Variants in KYAT3 observed in about 807,000 individuals in gnomAD.
KYAT3 encodes the protein kynurenine aminotransferase 3.
Under a neutral mutation model 59.0 loss-of-function variants are expected in KYAT3, and 50 were observed. That is an observed-to-expected ratio of 0.85 (90% confidence interval 0.68 to 1.07). The LOEUF (loss-of-function observed/expected upper bound fraction) is 1.07, where lower values mean the gene tolerates loss of function less well. KYAT3 is among the 50% of genes least tolerant of loss of function. KYAT3 has a pLI of 0.00. For missense variants in KYAT3, 497 were observed against 533.3 expected (o/e 0.93, Z 0.67); for synonymous variants, 148 against 177.0 (o/e 0.84, Z 1.30).
chr1:88,989,418 C>A (rs1258819334), intron 1 of KYAT3, among the ~76,000 whole-genome samples: 2 of 152,114 alleles, frequency 1.3e-5, no homozygotes, highest in African/African-American at 2.4e-5. Flanking sequence ...TCTTGCTGGG[C>A]CTCAGTTTCT....
At chr1:88,921,348 T>C in the KYAT3 span, among the ~76,000 whole-genome samples, 2 of 152,356 alleles carry the variant, frequency 1.3e-5, no homozygotes. Flanking sequence ...TTTTGACTAG[T>C]TGCAAAGGAA....
At chr1:88,967,352 A>G (rs1222022696) in intron 4 of KYAT3, among the ~76,000 whole-genome samples, 1 of 152,028 alleles carries the variant, frequency 6.6e-6, no homozygotes, top group Non-Finnish European at 1.5e-5. Flanking sequence ...AAAGTTTTTC[A>G]TCCTGCTCCA....
At chr1:88,984,917 T>C (rs1677357147) in intron 2 of KYAT3, among the ~76,000 whole-genome samples, 1 of 152,270 alleles carries the variant, frequency 6.6e-6, no homozygotes, top group African/African-American at 2.4e-5. Context: ...TGACTTTCCA[T>C]ATGTACTGGT....
At position 88,940,996 on chromosome 1, in the gene KYAT3, G is replaced by A. The variant is rs141403113; in HGVS notation, c.1302+2009C>T. Among the ~76,000 whole-genome samples, 110 of 152,258 alleles carry A rather than the reference G, an allele frequency of 7.2e-4. 1 individual carries two copies. Among genetic ancestry groups the A allele is most frequent in the African/African-American group, 2.5e-3 (103 of 41,540 alleles). On this transcript the variant is annotated intron_variant, in intron 13 of 13. Coordinates refer to ENST00000260508, the MANE Select transcript of KYAT3 (RefSeq NM_001008661.3). ...TTTAGCAGCCTTTCCTTAAACACTG[G>A]GGAATTTGTTTTCTATTCTCTTAGT...
intron 2 of KYAT3, among the ~76,000 whole-genome samples, chr1:88,976,036 GAA>G (rs67331903): frequency 0.29 from 40,529 of 141,820 alleles, 6,682 homozygotes; most frequent in Admixed American, 0.38. Flanking sequence ...TCCATCTCAA[GAA>G]AAAAAAAAGA....
At chr1:88,939,816 A>G (rs1335939874) in intron 13 of KYAT3, among the ~76,000 whole-genome samples, 3 of 151,792 alleles carry the variant, frequency 2.0e-5, no homozygotes, top group Non-Finnish European at 2.9e-5. Flanking sequence ...TTTCTTTTCA[A>G]TTTCCTACCT....
the KYAT3 span, among the ~76,000 whole-genome samples, chr1:88,925,754 G>A: frequency 1.3e-5 from 2 of 151,980 alleles, no homozygotes. Flanking sequence ...AGGAGATAGA[G>A]AGAGAGAGAT....
the KYAT3 span, among the ~76,000 whole-genome samples, chr1:88,922,442 G>T: frequency 6.6e-6 from 1 of 152,180 alleles, no homozygotes; most frequent in Non-Finnish European, 1.5e-5. Context: ...GACCTGTTAG[G>T]AACTGGGCTG....
chr1:88,942,028 CTCTT>C (rs1675252453), intron 13 of KYAT3, among the ~76,000 whole-genome samples: 4 of 152,160 alleles, frequency 2.6e-5, no homozygotes, highest in Admixed American at 1.3e-4. Flanking sequence ...CATATTCTCT[CTCTT>C]TTTTTTCTTG....
intron 2 of KYAT3, chr1:88,983,999 C>CT: frequency 1.8e-6 from 1 of 552,702 alleles, no homozygotes; most frequent in Admixed American, 3.4e-5. Context: ...GTATGGCTAT[C>CT]CATTCAAAAA....
chr1:88,974,530 G>C (rs1676692981), intron 2 of KYAT3, among the ~76,000 whole-genome samples: 1 of 142,228 alleles, frequency 7.0e-6, no homozygotes, highest in African/African-American at 2.7e-5. Context: ...CCGTAGTGCA[G>C]TGGCATGATC....
chr1:88,966,124 T>C (rs1404114711), intron 4 of KYAT3, among the ~76,000 whole-genome samples: 1 of 152,178 alleles, frequency 6.6e-6, no homozygotes, highest in African/African-American at 2.4e-5. Flanking sequence ...CTGGTGATAG[T>C]GCAACACCAC....
At chr1:88,953,821 C>G (rs1426692624) in intron 9 of KYAT3, among the ~76,000 whole-genome samples, 1 of 151,884 alleles carries the variant, frequency 6.6e-6, no homozygotes, top group Non-Finnish European at 1.5e-5. Flanking sequence ...GAAAGAGGGC[C>G]TAAGGGACTT....
At chr1:88,982,903 A>T in intron 2 of KYAT3, 1 of 1,614,000 alleles carries the variant, frequency 6.2e-7, no homozygotes, top group African/African-American at 1.3e-5. Flanking sequence ...CATCATAGCG[A>T]CTGCTTCCAC....
At chr1:88,948,297 A>G (rs1381430480) in intron 11 of KYAT3, among the ~76,000 whole-genome samples, 1 of 152,208 alleles carries the variant, frequency 6.6e-6, no homozygotes, top group Admixed American at 6.5e-5. Flanking sequence ...TTGTAATAAA[A>G]TTTTAAAACA....
At chr1:88,984,627 G>A (rs1677336639) in intron 2 of KYAT3, among the ~76,000 whole-genome samples, 2 of 152,202 alleles carry the variant, frequency 1.3e-5, no homozygotes, top group African/African-American at 2.4e-5. Context: ...CTGAGTGAAA[G>A]GGAAGCAATT....
chr1:88,948,970 T>C, intron 11 of KYAT3, 121 bp downstream of exon 11: 1 of 753,372 alleles, frequency 1.3e-6, no homozygotes, highest in Non-Finnish European at 2.0e-6. Context: ...ATTGCAAAAA[T>C]CCATCCTTCT....
intron 10 of KYAT3, 31 bp from the exon 11 acceptor site, chr1:88,949,308 G>C (rs368487838): frequency 2.1e-6 from 3 of 1,449,532 alleles, no homozygotes; most frequent in African/African-American, 1.4e-5. Context: ...AATATGAAAA[G>C]GCATATGGCA....
intron 2 of KYAT3, among the ~76,000 whole-genome samples, chr1:88,976,383 C>G (rs1240407040): frequency 1.3e-5 from 2 of 151,704 alleles, no homozygotes; most frequent in African/African-American, 2.4e-5. Context: ...TCCTACTTGC[C>G]TAGTGGAGCC....
Sources: allele counts gnomAD v4.1 joint callset (sites outside exome capture counted in the v4.1 genomes callset), GRCh38; gene constraint gnomAD v4.1.1; transcripts MANE v1.5; gene names NCBI Gene and HGNC (gene_info 2026-07-23, HGNC 2026-07-21).